STARD13: variants seen among roughly 807,000 people sequenced by gnomAD.
STARD13 encodes stAR-related lipid transfer protein 13.
A neutral mutation model predicts 106.4 loss-of-function variants in STARD13; 62 were observed. That is an observed-to-expected ratio of 0.58 (90% confidence interval 0.48 to 0.72). The LOEUF (loss-of-function observed/expected upper bound fraction) is 0.72. Among genes scored for constraint, STARD13 ranks in the 30% least tolerant of loss-of-function variants. The probability of loss-of-function intolerance (pLI) is 0.00; values close to 1 mark genes in which losing one functional copy is unlikely to be tolerated. For missense variants in STARD13, 1,387 were observed against 1,424.0 expected (o/e 0.97, Z 0.42); for synonymous variants, 565 against 553.0 (o/e 1.02, Z -0.31).
At chr13:33,157,127 A>G (rs2138312825) in intron 3 of STARD13, among the ~76,000 whole-genome samples, 1 of 152,270 alleles carries the variant, frequency 6.6e-6, no homozygotes, top group South Asian at 2.1e-4. Flanking sequence ...TTGTATGTGT[A>G]GATAAATTGT....
At chr13:33,360,964 T>A in the STARD13 span, among the ~76,000 whole-genome samples, 3 of 2,382 alleles carry the variant, frequency 1.3e-3, no homozygotes, top group African/African-American at 1.4e-3. Flanking sequence ...CCCGGCTAAT[T>A]TTTTTTTTTT....
At chr13:33,238,462 T>C (rs1489317974) in intron 1 of STARD13, among the ~76,000 whole-genome samples, 1 of 152,152 alleles carries the variant, frequency 6.6e-6, no homozygotes, top group Non-Finnish European at 1.5e-5. Context: ...AAGTTTACAT[T>C]AGAAAAGCAG....
Position 33,142,307 on chromosome 13 carries a change from T to C in STARD13, c.387+3A>G, listed in dbSNP as rs1353291961. On this transcript the variant is annotated splice_donor_region_variant and intron_variant, in intron 4 of 13. Coordinates refer to ENST00000336934, the MANE Select transcript of STARD13 (RefSeq NM_178006.4). ...ACATTCTTATTAAGGTGTGGGCACC[T>C]ACCTTTTTCCTTTGGAAGTTCACAT... is the stretch of plus-strand genomic sequence containing the variant. 3.7e-6 allele frequency: 6 copies of C among 1,613,078 alleles called. No homozygotes were observed. Among genetic ancestry groups the C allele is most frequent in the Non-Finnish European group, 5.1e-6 (6 of 1,179,038 alleles).
chr13:33,470,780 T>A, the STARD13 span, among the ~76,000 whole-genome samples: 9 of 152,234 alleles, frequency 5.9e-5, no homozygotes, highest in African/African-American at 2.2e-4. Context: ...TGTTTGTTTT[T>A]TTCTTGTAAA....
the STARD13 span, among the ~76,000 whole-genome samples, chr13:33,420,447 T>C: frequency 6.6e-6 from 1 of 152,128 alleles, no homozygotes; most frequent in African/African-American, 2.4e-5. Context: ...CACCTGGATT[T>C]ATAAAGCAAG....
chr13:33,479,852 G>C, the STARD13 span, among the ~76,000 whole-genome samples: 1 of 152,168 alleles, frequency 6.6e-6, no homozygotes, highest in Non-Finnish European at 1.5e-5. Context: ...TATGTGAGAT[G>C]CCTGCTCCCC....
At chr13:33,536,830 A>G in the STARD13 span, among the ~76,000 whole-genome samples, 57 of 152,344 alleles carry the variant, frequency 3.7e-4, no homozygotes, top group South Asian at 2.9e-3. Flanking sequence ...AAGTCACACT[A>G]ATTATTAATA....
the STARD13 span, chr13:33,524,302 G>C: frequency 7.8e-7 from 1 of 1,275,310 alleles, no homozygotes; most frequent in Non-Finnish European, 1.0e-6. Flanking sequence ...CTGGATGTTT[G>C]CAGTTTTAGT....
At chr13:33,135,284 G>T (rs652184) in intron 4 of STARD13, among the ~76,000 whole-genome samples, 49,662 of 152,166 alleles carry the variant, frequency 0.33, 8,813 homozygotes, top group Non-Finnish European at 0.41. Context: ...AGAGTAAGAA[G>T]TAAAACCATT....
At chr13:33,415,316 T>C in the STARD13 span, among the ~76,000 whole-genome samples, 1 of 151,936 alleles carries the variant, frequency 6.6e-6, no homozygotes, top group Non-Finnish European at 1.5e-5. Context: ...TGCAGTGAGC[T>C]GAGATTGCGC....
At chr13:33,317,104 T>C (rs981069716) in intron 1 of STARD13, among the ~76,000 whole-genome samples, 8 of 152,104 alleles carry the variant, frequency 5.3e-5, no homozygotes, top group African/African-American at 1.7e-4. Context: ...TGTCCTCCTC[T>C]CTTCTCTGTA....
At chr13:33,616,215 G>T in the STARD13 span, among the ~76,000 whole-genome samples, 1 of 149,718 alleles carries the variant, frequency 6.7e-6, no homozygotes, top group East Asian at 2.0e-4. Flanking sequence ...AAGGAGAGGA[G>T]AGGAGAGGGA....
chr13:33,423,629 A>G, the STARD13 span, among the ~76,000 whole-genome samples: 1 of 152,250 alleles, frequency 6.6e-6, no homozygotes, highest in Admixed American at 6.5e-5. Flanking sequence ...ATGCTACTAT[A>G]AAGACACAGG....
At chr13:33,646,017 G>A in the STARD13 span, among the ~76,000 whole-genome samples, 2 of 152,150 alleles carry the variant, frequency 1.3e-5, no homozygotes, top group Non-Finnish European at 2.9e-5. Flanking sequence ...ACAGGCTATT[G>A]TCACAGAGAT....
intron 1 of STARD13, among the ~76,000 whole-genome samples, chr13:33,191,491 A>G (rs1362468619): frequency 6.6e-6 from 1 of 152,232 alleles, no homozygotes; most frequent in African/African-American, 2.4e-5. Flanking sequence ...CTCTTTGGAA[A>G]AATGTAATGG....
intron 1 of STARD13, among the ~76,000 whole-genome samples, chr13:33,266,102 G>A (rs1385280065): frequency 6.6e-6 from 1 of 152,194 alleles, no homozygotes. Flanking sequence ...ACCACTCTAA[G>A]GAGAAGCCTG....
the STARD13 span, among the ~76,000 whole-genome samples, chr13:33,628,176 CACACACACACACACA>C: frequency 2.0e-5 from 3 of 151,516 alleles, no homozygotes; most frequent in African/African-American, 7.3e-5. Flanking sequence ...CACACACACA[CACACACACACACACA>C]CCACATGCAT....
the STARD13 span, among the ~76,000 whole-genome samples, chr13:33,373,800 G>T: frequency 6.6e-6 from 1 of 152,044 alleles, no homozygotes; most frequent in Admixed American, 6.5e-5. Flanking sequence ...ATAAGTGTTG[G>T]TGAGAATGTA....
At chr13:33,552,354 A>G in the STARD13 span, among the ~76,000 whole-genome samples, 1 of 152,216 alleles carries the variant, frequency 6.6e-6, no homozygotes, top group Admixed American at 6.5e-5. Flanking sequence ...AAGCACACAC[A>G]GACTGTCCTC....
Sources: gnomAD v4.1 joint callset for allele counts (sites outside exome capture counted in the v4.1 genomes callset) on GRCh38, gnomAD v4.1.1 for gene constraint, MANE v1.5 for transcripts, NCBI Gene and HGNC (gene_info 2026-07-23, HGNC 2026-07-21) for gene names.